TRPC5: variants seen among roughly 807,000 people sequenced by gnomAD.
TRPC5 encodes transient receptor potential cation channel subfamily C member 5.
Under a neutral mutation model 56.5 loss-of-function variants are expected in TRPC5, and 9 were observed. The observed-to-expected ratio is 0.16, with a 90% CI of 0.10 to 0.28. The LOEUF (loss-of-function observed/expected upper bound fraction) is 0.28. Among genes scored for constraint, TRPC5 ranks in the 10% least tolerant of loss-of-function variants. The pLI, the probability that TRPC5 is intolerant of heterozygous loss-of-function variation, is 1.00. For synonymous variants in TRPC5, 282 were observed against 278.5 expected, an observed-to-expected ratio of 1.01 and a Z score of -0.13; for missense variants, 469 against 748.9, an observed-to-expected ratio of 0.63 and a Z score of 4.36.
intron 3 of TRPC5, among the ~76,000 whole-genome samples, chrX:111,855,514 C>T (rs751850438): frequency 4.5e-5 from 5 of 111,789 alleles, no homozygotes; most frequent in South Asian, 3.8e-4. Context: ...TGTTACGTCA[C>T]GGAGAAATTT....
intron 1 of TRPC5, among the ~76,000 whole-genome samples, chrX:112,028,845 C>T (rs1167525348): frequency 8.9e-6 from 1 of 111,963 alleles, no homozygotes; most frequent in Non-Finnish European, 1.9e-5. Flanking sequence ...CTTGAGGAAT[C>T]GCCACACTGT....
intron 7 of TRPC5, among the ~76,000 whole-genome samples, chrX:111,825,224 T>C (rs1922191131): frequency 2.3e-5 from 2 of 85,891 alleles, no homozygotes; most frequent in African/African-American, 5.1e-5. Flanking sequence ...TCTTTCTTCT[T>C]TCTTTCTCTC....
chrX:111,774,483 AT>A lies in TRPC5; in HGVS notation c.*1829del, dbSNP rs1407688729. The A allele has an allele frequency of 3.6e-5, 4 of 111,869 alleles. No homozygotes were observed. The highest frequency in any genetic ancestry group is 7.5e-5 in the Non-Finnish European group (4 of 53,149). The allele number at this position is 111,869 out of a possible 1,213,427, so 9.2% of individuals were successfully genotyped here. On this transcript the variant is annotated 3_prime_UTR_variant, in exon 11 of 11. Transcript: ENST00000262839. ...TCTTAGCGAAGCAGGGGAGAAATTG[AT>A]TTGAGTAAATAACCACTTCAGATAT... is the stretch of plus-strand genomic sequence containing the variant.
chrX:112,039,647 C>G (rs770439846), intron 1 of TRPC5, among the ~76,000 whole-genome samples: 8 of 111,486 alleles, frequency 7.2e-5, no homozygotes, highest in South Asian at 3.8e-4. Context: ...ATGTGCAGAT[C>G]CTTTTGACAA....
At chrX:111,979,457 T>C (rs1024140766) in intron 1 of TRPC5, among the ~76,000 whole-genome samples, 4 of 111,253 alleles carry the variant, frequency 3.6e-5, no homozygotes, top group Non-Finnish European at 7.6e-5. Flanking sequence ...CTATAATAGA[T>C]GAAAGGAAAG....
rs145172499 is a variant in TRPC5, at chrX:111,923,642, G to A, written c.379-10830C>T. Among the ~76,000 whole-genome samples, 458 of 111,761 alleles carry A rather than the reference G, an allele frequency of 4.1e-3. 2 individuals are homozygous for A. The highest frequency in any genetic ancestry group is 0.014 in the African/African-American group (439 of 30,806). On this transcript the variant is annotated intron_variant, in intron 2 of 10. Coordinates refer to ENST00000262839, the MANE Select transcript of TRPC5 (RefSeq NM_012471.3). ...AACAAAAAACCAAAAAAGGTAAAAG[G>A]CTCCAAGGTAGGAAGGGAATACAGA... is the stretch of plus-strand genomic sequence containing the variant.
chrX:111,899,533 A>C (rs990625455), intron 3 of TRPC5, among the ~76,000 whole-genome samples: 3 of 111,440 alleles, frequency 2.7e-5, no homozygotes, highest in Non-Finnish European at 5.7e-5. Flanking sequence ...AAGAGGAGGA[A>C]TAAAAGAGTC....
intron 1 of TRPC5, among the ~76,000 whole-genome samples, chrX:111,979,645 T>TTAAG (rs1928025250): frequency 9.0e-6 from 1 of 111,425 alleles, no homozygotes; most frequent in African/African-American, 3.3e-5. Context: ...AATCTGGTTT[T>TTAAG]TAAGTTGGGC....
At chrX:111,846,052 CTGTTTTGTTT>C (rs1198798756) in intron 6 of TRPC5, among the ~76,000 whole-genome samples, 6 of 111,742 alleles carry the variant, frequency 5.4e-5, no homozygotes, top group East Asian at 2.8e-4. Context: ...CTAGATAGCA[CTGTTTTGTTT>C]TGTTTTGTTT....
intron 7 of TRPC5, among the ~76,000 whole-genome samples, chrX:111,827,037 G>A (rs377229145): frequency 9.0e-6 from 1 of 111,726 alleles, no homozygotes; most frequent in African/African-American, 3.3e-5. Context: ...GGTTCTGTGT[G>A]TGGGTCTTGG....
chrX:111,975,621 G>A (rs1927901584), intron 1 of TRPC5, among the ~76,000 whole-genome samples: 2 of 111,382 alleles, frequency 1.8e-5, no homozygotes, highest in South Asian at 7.6e-4. Context: ...TTACAGCCGG[G>A]CGTGGGGGCT....
intron 1 of TRPC5, among the ~76,000 whole-genome samples, chrX:112,051,362 ACTGT>A (rs1055969027): frequency 7.2e-5 from 8 of 111,617 alleles, no homozygotes; most frequent in Non-Finnish European, 1.3e-4. Context: ...AATTTATTTG[ACTGT>A]CTGGGGTGAA....
At chrX:111,779,292 AT>A (rs781557164) in intron 9 of TRPC5, among the ~76,000 whole-genome samples, 1 of 111,822 alleles carries the variant, frequency 8.9e-6, no homozygotes, top group African/African-American at 3.2e-5. Context: ...CTAAAGGAAA[AT>A]TTTTTACCCA....
chrX:111,908,126 A>G (rs914907480), intron 3 of TRPC5, among the ~76,000 whole-genome samples: 2 of 112,346 alleles, frequency 1.8e-5, no homozygotes, highest in African/African-American at 6.5e-5. Context: ...GGTTGTATGC[A>G]TTTGAGACTC....
intron 7 of TRPC5, among the ~76,000 whole-genome samples, chrX:111,825,167 C>CTTTCTT: frequency 1.4e-5 from 1 of 72,598 alleles, no homozygotes; most frequent in Non-Finnish European, 2.6e-5. Context: ...TTCTTTCTTT[C>CTTTCTT]TTTCTTTCTT....
chrX:111,840,024 G>T (rs1034682422), intron 6 of TRPC5, among the ~76,000 whole-genome samples: 166 of 111,793 alleles, frequency 1.5e-3, no homozygotes, highest in African/African-American at 5.3e-3. Context: ...CAAAAAATTA[G>T]CCGGGCATGG....
chrX:111,825,095 T>C (rs1922149964), intron 7 of TRPC5, among the ~76,000 whole-genome samples: 1 of 111,300 alleles, frequency 9.0e-6, no homozygotes, highest in Non-Finnish European at 1.9e-5. Context: ...TCTAGGACTT[T>C]CTTTCATTTT....
chrX:111,854,817 G>A lies in TRPC5; in HGVS notation c.901-711C>T, dbSNP rs189949568. 2.3e-4 allele frequency among the ~76,000 whole-genome samples: 26 copies of A among 111,982 alleles called. No homozygotes were observed. In the East Asian group the frequency reaches 6.7e-3, roughly 29 times the overall value. On this transcript the variant is annotated intron_variant, in intron 3 of 10. Transcript: ENST00000262839. The stretch of plus-strand genomic sequence containing the variant: ...GCTTGTAATGAATCAGGTTGCTACT[G>A]TGCCATCTATTTAACTCCGTCTCTA...
At chrX:111,934,851 A>T (rs5985662) in intron 2 of TRPC5, among the ~76,000 whole-genome samples, 3,444 of 112,247 alleles carry the variant, frequency 0.031, 136 homozygotes, top group African/African-American at 0.11. Context: ...GCAGCACATT[A>T]TCTTTATCCA....
Sources: gnomAD v4.1 joint callset for allele counts (sites outside exome capture counted in the v4.1 genomes callset) on GRCh38, gnomAD v4.1.1 for gene constraint, MANE v1.5 for transcripts, NCBI Gene and HGNC (gene_info 2026-07-23, HGNC 2026-07-21) for gene names.